KMT2E: variants seen among roughly 807,000 people sequenced by gnomAD.
KMT2E encodes lysine methyltransferase 2E (inactive), also known as histone reader KMT2E.
In KMT2E, 30 loss-of-function variants were observed where a neutral mutation model predicts 184.6. The observed-to-expected ratio is 0.16, with a 90% CI of 0.12 to 0.22. KMT2E has a LOEUF of 0.22. Ranked by LOEUF, KMT2E falls within the 10% of genes least tolerant of loss-of-function variation. The pLI is 1.00. For missense variants in KMT2E, 2,023 were observed against 2,237.4 expected, an observed-to-expected ratio of 0.90 and a Z score of 1.93; for synonymous variants, 815 against 776.5, an observed-to-expected ratio of 1.05 and a Z score of -0.82.
rs765443473 is a variant in KMT2E at position 105,091,355 on chromosome 7, C to T, written c.1722+41C>T. ...AGTAGTTTGGGCTTAGTGACAGCTG[C>T]TCTGCATATGGTAATTGTTGCTGCC... On this transcript the variant is annotated intron_variant, in intron 15 of 26. Coordinates refer to ENST00000311117, the MANE Select transcript of KMT2E (RefSeq NM_182931.3). 8.5e-6 allele frequency: 9 copies of T among 1,056,740 alleles called. No homozygotes were observed. In the East Asian group the frequency reaches 1.9e-4, roughly 22 times the overall value. The allele number at this position is 1,056,740 out of a possible 1,614,324, so 65.5% of individuals were successfully genotyped here.
In KMT2E at chr7:105,048,661, A is replaced by C. The variant is rs114508636; in HGVS notation, c.71+7638A>C. On this transcript the variant is annotated intron_variant, in intron 3 of 26. Transcript: ENST00000311117. ...TAAATTTAGAGCAAGGATCAGCAGA[A>C]CTTTCCTGTAAAGGGCTAAAGAATA... Among the ~76,000 whole-genome samples, 123 of 152,360 alleles carry C rather than the reference A, an allele frequency of 8.1e-4. 1 individual carries two copies. The highest frequency in any genetic ancestry group is 2.8e-3 in the African/African-American group (115 of 41,580).
Position 105,058,183 on chromosome 7 carries a change from T to G in KMT2E, c.72-3981T>G, listed in dbSNP as rs545954780. Among the ~76,000 whole-genome samples, 10 of 152,362 alleles carry G rather than the reference T, an allele frequency of 6.6e-5. No homozygotes were observed. In the South Asian group the frequency reaches 1.9e-3, roughly 28 times the overall value. The stretch of plus-strand genomic sequence containing the variant: ...TATTTCTGATAAACTGGTATTTGGA[T>G]TTAGAGATATAATTAGCTTCGAGTT... On this transcript the variant is annotated intron_variant, in intron 3 of 26. Coordinates refer to ENST00000311117, the MANE Select transcript of KMT2E (RefSeq NM_182931.3).
intron 9 of KMT2E, among the ~76,000 whole-genome samples, chr7:105,076,393 G>A (rs1463892236): frequency 6.6e-6 from 1 of 152,174 alleles, no homozygotes; most frequent in Non-Finnish European, 1.5e-5. Context: ...ACTGTACTTA[G>A]GAATGCAGAA....
At chr7:105,058,412 C>T (rs900769276) in intron 3 of KMT2E, among the ~76,000 whole-genome samples, 1 of 152,144 alleles carries the variant, frequency 6.6e-6, no homozygotes, top group Non-Finnish European at 1.5e-5. Context: ...TCTTAGCATC[C>T]ATGGTTATTT....
intron 6 of KMT2E, among the ~76,000 whole-genome samples, chr7:105,067,845 A>G (rs1015726281): frequency 6.6e-6 from 1 of 151,946 alleles, no homozygotes; most frequent in African/African-American, 2.4e-5. Flanking sequence ...GGTGTCACAC[A>G]TCTGTAGTCC....
chr7:105,069,069 T>G (rs1797173679), intron 6 of KMT2E, among the ~76,000 whole-genome samples: 1 of 152,176 alleles, frequency 6.6e-6, no homozygotes. Context: ...ATATCTGGTG[T>G]GACAAGATGT....
chr7:105,040,683 A>C (rs1229407356), intron 2 of KMT2E, among the ~76,000 whole-genome samples, 156 bp from the exon 3 acceptor site: 1 of 152,238 alleles, frequency 6.6e-6, no homozygotes, highest in Non-Finnish European at 1.5e-5. Context: ...TCTTTTGATC[A>C]TGATCACATA....
chr7:105,055,912 CTT>C (rs368973029), intron 3 of KMT2E, among the ~76,000 whole-genome samples: 13 of 145,140 alleles, frequency 9.0e-5, no homozygotes, highest in South Asian at 6.5e-4. Flanking sequence ...AGAAGGATCA[CTT>C]TTTTTTTTTT....
chr7:105,107,687 A>G lies in KMT2E; in HGVS notation c.3230A>G (p.Asn1077Ser). Reference sequence around the variant, plus strand: ...AAGAGCCCTGACAGAACAGGAGTTAACTTCTCAGTGAACTCCAACTTGAGG... The same window carrying G: ...AAGAGCCCTGACAGAACAGGAGTTAGCTTCTCAGTGAACTCCAACTTGAGG... Reference protein sequence around the residue: ...WVKSPDRTGVNFSVNSNLRDL... With the variant: ...WVKSPDRTGVSFSVNSNLRDL... Residue 1077 changes from asparagine (N) to serine (S), a missense_variant, in exon 22 of 27, where the codon AAC (asparagine) becomes AGC (serine). By Grantham distance (46) the Asn-to-Ser change is conservative. Coordinates refer to ENST00000311117, the MANE Select transcript of KMT2E (RefSeq NM_182931.3). The G allele has an allele frequency of 6.2e-7, 1 of 1,614,182 alleles. No homozygotes were observed. Among genetic ancestry groups the G allele is most frequent in the African/African-American group, 1.3e-5 (1 of 75,058 alleles).
Position 105,073,665 on chromosome 7 carries a change from G to A in KMT2E, c.544G>A (p.Glu182Lys). ...AGTGCTACTACAACGCCGGAAAAGG[G>A]AAAATATGTCAGGTAGGTAAAAAGG... is the stretch of plus-strand genomic sequence containing the variant. ...RAVLLQRRKR[E>K]NMSDGDTSAT... Residue 182 changes from glutamate (E) to lysine (K), a missense_variant, in exon 7 of 27, where the codon GAA (glutamate) becomes AAA (lysine). Around this residue, in one of 8 missense-constraint regions of KMT2E, gnomAD observed 191 missense variants for 209.0 expected, o/e 0.91. Transcript: ENST00000311117. 4 of 1,603,332 alleles carry A rather than the reference G, an allele frequency of 2.5e-6. No individual in the cohort carries two copies. The highest frequency in any genetic ancestry group is 1.7e-6 in the Non-Finnish European group (2 of 1,170,874).
chr7:105,059,924 TAATTCTTA>T (rs781165888), intron 3 of KMT2E, among the ~76,000 whole-genome samples: 59 of 149,814 alleles, frequency 3.9e-4, no homozygotes, highest in Non-Finnish European at 8.0e-4. Flanking sequence ...AAATAATGAA[TAATTCTTA>T]ATGTAACAGC....
At chr7:105,060,449 C>G (rs373141082) in intron 3 of KMT2E, among the ~76,000 whole-genome samples, 2 of 151,844 alleles carry the variant, frequency 1.3e-5, no homozygotes, top group East Asian at 3.9e-4. Context: ...TTTTTAGAGA[C>G]AGAGTCTCAT....
intron 1 of KMT2E, among the ~76,000 whole-genome samples, chr7:105,015,960 C>T (rs1324003665): frequency 6.7e-6 from 1 of 149,604 alleles, no homozygotes; most frequent in Admixed American, 6.7e-5. Flanking sequence ...ATGATGGGTG[C>T]GCTTCAACAT....
At chr7:105,076,741 G>C (rs2240454) in intron 9 of KMT2E, among the ~76,000 whole-genome samples, 2 of 152,036 alleles carry the variant, frequency 1.3e-5, no homozygotes, top group Admixed American at 6.5e-5. Flanking sequence ...ACATTAAATA[G>C]GATGTGGGGA....
chr7:105,091,926 A>C (rs896456350), intron 15 of KMT2E, among the ~76,000 whole-genome samples: 1 of 152,248 alleles, frequency 6.6e-6, no homozygotes, highest in African/African-American at 2.4e-5. Flanking sequence ...TTAGCATTTG[A>C]TATATCAGCC....
At chr7:105,106,111 A>C in intron 19 of KMT2E, 108 bp downstream of exon 19, 1 of 1,109,712 alleles carries the variant, frequency 9.0e-7, no homozygotes. Context: ...GAAGAGAAGC[A>C]CATTGGTGTA....
chr7:105,024,558 A>G (rs1795094556), intron 1 of KMT2E, among the ~76,000 whole-genome samples: 1 of 152,212 alleles, frequency 6.6e-6, no homozygotes, highest in African/African-American at 2.4e-5. Context: ...ATTAAAATGA[A>G]CATTCTCAGA....
chr7:105,108,874 G>A (rs1799038679), intron 22 of KMT2E, 68 bp from the exon 23 acceptor site: 1 of 1,290,388 alleles, frequency 7.7e-7, no homozygotes, highest in Non-Finnish European at 1.1e-6. Flanking sequence ...AGACAAAAAA[G>A]AATGCATTGG....
intron 3 of KMT2E, among the ~76,000 whole-genome samples, chr7:105,043,559 T>C (rs955279282): frequency 6.6e-6 from 1 of 152,220 alleles, no homozygotes; most frequent in Non-Finnish European, 1.5e-5. Context: ...TCTGCATTAA[T>C]AATATATGAT....
Sources: gnomAD v4.1 joint callset for allele counts (sites outside exome capture counted in the v4.1 genomes callset) on GRCh38, gnomAD v4.1.1 for gene constraint, gnomAD v4.1.1 regional missense constraint, MANE v1.5 for transcripts, NCBI Gene and HGNC (gene_info 2026-07-23, HGNC 2026-07-21) for gene names.